The following ATP10A variants were observed in gnomAD, a reference collection of about 807,000 sequenced individuals.
ATP10A encodes the protein phospholipid-transporting ATPase VA.
A neutral mutation model predicts 147.8 loss-of-function variants in ATP10A; 111 were observed. That is an observed-to-expected ratio of 0.75 (90% CI 0.64 to 0.88). The LOEUF (loss-of-function observed/expected upper bound fraction) is 0.88, where lower values mean the gene tolerates loss of function less well. ATP10A is among the 40% of genes least tolerant of loss of function. ATP10A has a pLI of 0.00. For missense variants in ATP10A, 1,927 were observed against 1,959.0 expected, an observed-to-expected ratio of 0.98 and a Z score of 0.31; for synonymous variants, 875 against 841.6, an observed-to-expected ratio of 1.04 and a Z score of -0.69.
chr15:25,755,976 A>C (rs1888386882), intron 2 of ATP10A, among the ~76,000 whole-genome samples: 1 of 152,218 alleles, frequency 6.6e-6, no homozygotes, highest in Non-Finnish European at 1.5e-5. Flanking sequence ...CATCGGTTCA[A>C]CCTTCACATA....
At chr15:25,768,000 C>CG (rs1218004936) in intron 2 of ATP10A, among the ~76,000 whole-genome samples, 1 of 152,216 alleles carries the variant, frequency 6.6e-6, no homozygotes, top group Non-Finnish European at 1.5e-5. Context: ...GTCCAACGGG[C>CG]GCACCAGGGC....
chr15:25,782,490 TAAA>T (rs945500543), intron 1 of ATP10A, among the ~76,000 whole-genome samples: 1 of 152,290 alleles, frequency 6.6e-6, no homozygotes, highest in African/African-American at 2.4e-5. Context: ...TTCATCGTAA[TAAA>T]AAATAATTAA....
chr15:25,859,816 C>T (rs1893676581), intron 1 of ATP10A, among the ~76,000 whole-genome samples: 3 of 152,074 alleles, frequency 2.0e-5, no homozygotes. Flanking sequence ...TAAACGATGA[C>T]GCACTACAGG....
chr15:25,720,439 G>A lies in ATP10A; in HGVS notation c.1363+1218C>T, dbSNP rs767728821. Among the ~76,000 whole-genome samples the A allele has an allele frequency of 6.6e-5, 10 of 152,132 alleles. 1 individual carries two copies. The South Asian group carries it at 1.2e-3, about 19-fold the overall frequency. On this transcript the variant is annotated intron_variant, in intron 7 of 20. Transcript: ENST00000555815. ...TCGTGTCTATCTGAAACTGGGTCTCGGCTTTAAGGGCTGCTGTAGAACCGA... is the reference window on the plus strand; with the variant it reads ...TCGTGTCTATCTGAAACTGGGTCTCAGCTTTAAGGGCTGCTGTAGAACCGA...
intron 3 of ATP10A, among the ~76,000 whole-genome samples, chr15:25,729,363 C>T (rs1251862647): frequency 6.6e-6 from 1 of 152,154 alleles, no homozygotes. Flanking sequence ...TCCATTCAAC[C>T]TCATCTCCCT....
intron 1 of ATP10A, among the ~76,000 whole-genome samples, chr15:25,835,502 C>A (rs907765187): frequency 6.6e-6 from 1 of 152,168 alleles, no homozygotes; most frequent in Non-Finnish European, 1.5e-5. Context: ...GCTTTCCTGA[C>A]TATGGGGTCA....
intron 2 of ATP10A, among the ~76,000 whole-genome samples, chr15:25,759,103 C>G (rs1888612523): frequency 6.6e-6 from 1 of 152,220 alleles, no homozygotes; most frequent in South Asian, 2.1e-4. Flanking sequence ...CTCCTTTGTC[C>G]AAATGTGCAC....
At chr15:25,777,695 G>C (rs911862172) in intron 2 of ATP10A, among the ~76,000 whole-genome samples, 1 of 151,756 alleles carries the variant, frequency 6.6e-6, no homozygotes, top group Non-Finnish European at 1.5e-5. Context: ...CAAACTTCTG[G>C]TTCAAACCAT....
chr15:25,848,572 A>G (rs1315079209), intron 1 of ATP10A, among the ~76,000 whole-genome samples: 3 of 152,062 alleles, frequency 2.0e-5, no homozygotes, highest in Non-Finnish European at 4.4e-5. Context: ...CAGCTCCTAG[A>G]GGCCGCCCAC....
chr15:25,740,543 G>A (rs964280055), intron 2 of ATP10A, among the ~76,000 whole-genome samples: 4 of 152,194 alleles, frequency 2.6e-5, no homozygotes, highest in South Asian at 2.1e-4. Flanking sequence ...ACACACTCCC[G>A]TCTTCTGCAT....
chr15:25,679,941 GA>G lies in ATP10A; in HGVS notation c.3899del (p.Phe1300SerfsTer11). 1 of 1,605,910 alleles carries G rather than the reference GA, an allele frequency of 6.2e-7. No individual in the cohort carries two copies. Among genetic ancestry groups the G allele is most frequent in the Non-Finnish European group, 8.5e-7 (1 of 1,174,396 alleles). On this transcript the variant is annotated frameshift_variant, in exon 21 of 21. Coordinates refer to ENST00000555815, the MANE Select transcript of ATP10A (RefSeq NM_024490.4). LOFTEE classifies it high-confidence loss of function. ...LFFRSLQGRVFPTQLQLARQL... is the reference protein window; with the variant it reads ...LFFRSLQGRVXPTQLQLARQL... ...GACGTGCCAGCTGAAGTTGTGTGGG[GA>G]AAACCCTCCCCTGGAGGGATCTGAA... is the stretch of plus-strand genomic sequence containing the variant.
At chr15:25,702,201 C>G (rs574357437) in intron 12 of ATP10A, 101 bp from the exon 13 acceptor site, 2 of 1,237,860 alleles carry the variant, frequency 1.6e-6, no homozygotes, top group South Asian at 2.9e-5. Flanking sequence ...AAGGCAGGCA[C>G]TGGTACAGCC....
intron 16 of ATP10A, 134 bp from the exon 17 acceptor site, chr15:25,683,620 A>G: frequency 1.2e-6 from 1 of 857,918 alleles, no homozygotes; most frequent in Non-Finnish European, 1.8e-6. Context: ...TCTGCCAAAG[A>G]CAGCCATGAC....
Position 25,727,988 on chromosome 15 carries a change from C to T in ATP10A, c.741-722G>A, listed in dbSNP as rs534596180. On this transcript the variant is annotated intron_variant, in intron 3 of 20. Transcript: ENST00000555815. ...GAGCACAGGTCACAGGGGGAGGCCT[C>T]ATAACCGGAACTGTAGCCCAGGCCT... Among the ~76,000 whole-genome samples the T allele has an allele frequency of 1.9e-4, 29 of 152,292 alleles. No individual in the cohort carries two copies. The East Asian group carries it at 5.1e-3, about 27-fold the overall frequency.
chr15:25,672,898 G>C (rs1429808915), downstream of ATP10A, among the ~76,000 whole-genome samples: 1 of 152,120 alleles, frequency 6.6e-6, no homozygotes, highest in Non-Finnish European at 1.5e-5. Flanking sequence ...AGGGGTCCTA[G>C]GGCAAGACGA....
intron 1 of ATP10A, among the ~76,000 whole-genome samples, chr15:25,783,853 G>A (rs1567381203): frequency 6.6e-6 from 1 of 152,194 alleles, no homozygotes; most frequent in Non-Finnish European, 1.5e-5. Context: ...TGTGGTCCCA[G>A]CATGGTCAGT....
intron 2 of ATP10A, among the ~76,000 whole-genome samples, chr15:25,739,023 A>G (rs1208743032): frequency 1.3e-5 from 2 of 152,204 alleles, no homozygotes; most frequent in African/African-American, 4.8e-5. Flanking sequence ...TAAGCCAGAA[A>G]ATGTGTAACA....
chr15:25,736,156 C>T lies in ATP10A; in HGVS notation c.655-15G>A, dbSNP rs777971018. On this transcript the variant is annotated splice_polypyrimidine_tract_variant and intron_variant, in intron 2 of 20. Coordinates refer to ENST00000555815, the MANE Select transcript of ATP10A (RefSeq NM_024490.4). The stretch of plus-strand genomic sequence containing the variant: ...AATTCGGAGACCTAAAATAACAGCA[C>T]GTAGACATTAGAGAAATCCGGGCTC... The T allele has an allele frequency of 2.7e-5, 44 of 1,608,326 alleles. No individual in the cohort carries two copies. Among genetic ancestry groups the T allele is most frequent in the Non-Finnish European group, 3.5e-5 (41 of 1,176,418 alleles).
intron 2 of ATP10A, among the ~76,000 whole-genome samples, chr15:25,774,195 GTTTC>G (rs1236280576): frequency 3.9e-5 from 6 of 152,220 alleles, no homozygotes; most frequent in Non-Finnish European, 8.8e-5. Context: ...AAAATTTTAA[GTTTC>G]CACACAATAT....
Sources: gnomAD v4.1 joint callset for allele counts (sites outside exome capture counted in the v4.1 genomes callset) on GRCh38, gnomAD v4.1.1 for gene constraint, MANE v1.5 for transcripts, NCBI Gene and HGNC (gene_info 2026-07-23, HGNC 2026-07-21) for gene names.